Variants in RIMS2 observed in about 807,000 individuals in gnomAD.
RIMS2 encodes the protein regulating synaptic membrane exocytosis protein 2.
In RIMS2, 59 loss-of-function variants were observed where a neutral mutation model predicts 174.4. The ratio of observed to expected loss-of-function variants is 0.34; its 90% CI spans 0.27 to 0.42. The LOEUF (loss-of-function observed/expected upper bound fraction) is 0.42. Among genes scored for constraint, RIMS2 ranks in the 10% least tolerant of loss-of-function variants. The pLI, the probability that RIMS2 is intolerant of heterozygous loss-of-function variation, is 1.00. For synonymous variants in RIMS2, 606 were observed against 572.5 expected (o/e 1.06, Z -0.84); for missense variants, 1,620 against 1,666.3 (o/e 0.97, Z 0.48).
At chr8:103,951,421 C>T (rs1017525736) in intron 14 of RIMS2, among the ~76,000 whole-genome samples, 1 of 152,184 alleles carries the variant, frequency 6.6e-6, no homozygotes. Context: ...CAGTTCATCT[C>T]ATTGGGACTG....
intron 3 of RIMS2, among the ~76,000 whole-genome samples, chr8:103,806,186 C>T (rs909724077): frequency 6.6e-6 from 1 of 152,004 alleles, no homozygotes; most frequent in African/African-American, 2.4e-5. Context: ...TGCAATATTT[C>T]TTTTTTCTGT....
chr8:103,757,235 A>G lies in RIMS2; in HGVS notation c.388-8992A>G, dbSNP rs1363309853. Among the ~76,000 whole-genome samples the G allele has an allele frequency of 1.3e-5, 2 of 149,122 alleles. 1 individual carries two copies. The highest frequency in any genetic ancestry group is 2.9e-5 in the Non-Finnish European group (2 of 68,006). ...TTAGGTTAAAGCATTGCTAATTTTT[A>G]TAATATTTAGTTTGCTGCATTTTAT... On this transcript the variant is annotated intron_variant, in intron 2 of 23. Transcript: ENST00000504942.
intron 19 of RIMS2, among the ~76,000 whole-genome samples, chr8:104,218,817 T>G (rs1244721017): frequency 6.6e-6 from 1 of 152,200 alleles, no homozygotes; most frequent in Non-Finnish European, 1.5e-5. Context: ...CACCCGCCAC[T>G]GCTCACCTCC....
At chr8:104,026,645 A>AGGAG (rs2096264557) in intron 19 of RIMS2, among the ~76,000 whole-genome samples, 3 of 144,406 alleles carry the variant, frequency 2.1e-5, no homozygotes, top group African/African-American at 7.8e-5. Flanking sequence ...GAAAGAGGAG[A>AGGAG]GGGGGAAAAA....
intron 2 of RIMS2, among the ~76,000 whole-genome samples, chr8:103,762,417 A>G (rs894006647): frequency 1.3e-5 from 2 of 152,282 alleles, no homozygotes; most frequent in South Asian, 2.1e-4. Context: ...TTATGTGGTT[A>G]ACTTAATTGG....
At chr8:103,750,953 G>A (rs962874620) in intron 2 of RIMS2, among the ~76,000 whole-genome samples, 1 of 152,106 alleles carries the variant, frequency 6.6e-6, no homozygotes, top group Non-Finnish European at 1.5e-5. Context: ...GAATCATGGG[G>A]GCAGGTCTTT....
intron 3 of RIMS2, among the ~76,000 whole-genome samples, chr8:103,845,623 A>G (rs748469988): frequency 3.3e-5 from 5 of 152,072 alleles, no homozygotes; most frequent in Non-Finnish European, 7.4e-5. Flanking sequence ...CTTACTTAAA[A>G]TTAAGTAATT....
At chr8:103,541,216 C>T (rs558697904) in intron 1 of RIMS2, among the ~76,000 whole-genome samples, 15 of 152,198 alleles carry the variant, frequency 9.9e-5, no homozygotes, top group East Asian at 1.9e-4. Flanking sequence ...CCATCAAAGA[C>T]GCAGAGAGGA....
chr8:103,822,520 A>T (rs893387874), intron 3 of RIMS2, among the ~76,000 whole-genome samples: 44 of 151,988 alleles, frequency 2.9e-4, no homozygotes, highest in Middle Eastern at 3.4e-3. Flanking sequence ...AGTAATAATT[A>T]TTAAAATATT....
intron 4 of RIMS2, among the ~76,000 whole-genome samples, chr8:103,904,882 G>A (rs1363527142): frequency 6.6e-6 from 1 of 151,662 alleles, no homozygotes; most frequent in Non-Finnish European, 1.5e-5. Flanking sequence ...TGTTTTGATT[G>A]AGCTAGAATG....
intron 17 of RIMS2, among the ~76,000 whole-genome samples, chr8:103,999,845 C>T (rs1023529714): frequency 5.9e-5 from 9 of 151,720 alleles, no homozygotes; most frequent in African/African-American, 1.7e-4. Flanking sequence ...TTCTCAACTT[C>T]GGCCTAATTG....
chr8:104,090,518 A>C (rs767922906), intron 19 of RIMS2, among the ~76,000 whole-genome samples: 6 of 151,770 alleles, frequency 4.0e-5, no homozygotes, highest in Non-Finnish European at 5.9e-5. Context: ...GACAAAAACC[A>C]ATCAGGAAAG....
chr8:103,530,146 T>C (rs985263727), intron 1 of RIMS2, among the ~76,000 whole-genome samples: 1 of 152,206 alleles, frequency 6.6e-6, no homozygotes, highest in Non-Finnish European at 1.5e-5. Flanking sequence ...GTTGGGACAG[T>C]ATAAATGGTT....
chr8:103,982,259 C>G (rs528368040), intron 16 of RIMS2, among the ~76,000 whole-genome samples: 1 of 151,976 alleles, frequency 6.6e-6, no homozygotes, highest in African/African-American at 2.4e-5. Context: ...AATGAACAGT[C>G]TCCCAGTAAA....
intron 1 of RIMS2, among the ~76,000 whole-genome samples, chr8:103,541,382 A>C (rs1294411023): frequency 6.6e-6 from 1 of 152,230 alleles, no homozygotes; most frequent in Non-Finnish European, 1.5e-5. Flanking sequence ...CTTTACCCAC[A>C]AAGCTGTTCT....
Position 103,655,492 on chromosome 8 carries a change from TTAAAC to T in RIMS2, c.177-41590_177-41586del, listed in dbSNP as rs367554869. On this transcript the variant is annotated intron_variant, in intron 1 of 23. Coordinates refer to ENST00000504942, the Ensembl canonical transcript of RIMS2. ...AAAAAAAGTTTCCAATGCAAATACA[TTAAAC>T]TAATCAATTGGATTACTTTACTTTG... is the stretch of plus-strand genomic sequence containing the variant. 5.2e-3 allele frequency among the ~76,000 whole-genome samples: 794 copies of T among 152,220 alleles called. 2 individuals carry two copies. Among genetic ancestry groups the T allele is most frequent in the Non-Finnish European group, 7.4e-3 (500 of 67,952 alleles).
intron 1 of RIMS2, among the ~76,000 whole-genome samples, chr8:103,581,054 G>A (rs953584746): frequency 2.6e-5 from 4 of 151,888 alleles, no homozygotes; most frequent in African/African-American, 7.2e-5. Flanking sequence ...TCCTGACCTC[G>A]TGATCTGCCC....
intron 1 of RIMS2, among the ~76,000 whole-genome samples, chr8:103,510,966 G>A (rs147188354): frequency 8.5e-5 from 13 of 152,210 alleles, no homozygotes; most frequent in Non-Finnish European, 1.8e-4. Flanking sequence ...AGTAGATACT[G>A]AACTATTCTT....
chr8:103,950,163 G>A (rs565571741), intron 14 of RIMS2, among the ~76,000 whole-genome samples: 7 of 152,178 alleles, frequency 4.6e-5, no homozygotes, highest in African/African-American at 1.7e-4. Flanking sequence ...TTCAGGCCCA[G>A]ATGACTTTAT....
Sources: gnomAD v4.1 joint callset for allele counts (sites outside exome capture counted in the v4.1 genomes callset) on GRCh38, gnomAD v4.1.1 for gene constraint, MANE v1.5 for transcripts, NCBI Gene and HGNC (gene_info 2026-07-23, HGNC 2026-07-21) for gene names.